The following PCDHGB1 variants were observed in gnomAD, a reference collection of about 807,000 sequenced individuals.
The protein encoded by PCDHGB1 is protocadherin gamma-B1.
PCDHGB1 carries 34 observed loss-of-function variants against 56.6 expected under a neutral mutation model. That is an observed-to-expected ratio of 0.60 (90% CI 0.46 to 0.80). The LOEUF is 0.80. PCDHGB1 is among the 30% of genes least tolerant of loss of function. PCDHGB1 has a pLI of 0.00. For synonymous variants in PCDHGB1, 561 were observed against 505.9 expected, an observed-to-expected ratio of 1.11 and a Z score of -1.46; for missense variants, 1,278 against 1,204.6, an observed-to-expected ratio of 1.06 and a Z score of -0.90.
intron 1 of PCDHGB1, among the ~76,000 whole-genome samples, chr5:141,456,887 C>T (rs112521083): frequency 0.042 from 6,384 of 152,090 alleles, 167 homozygotes; most frequent in Middle Eastern, 0.088. Flanking sequence ...CGCTTGAACC[C>T]GGGAGGCAGA....
At position 141,359,202 on chromosome 5, in the gene PCDHGB1, T is replaced by A. The variant is rs115467151; in HGVS notation, c.2409+6533T>A. Among the ~76,000 whole-genome samples the A allele has an allele frequency of 3.8e-3, 584 of 152,256 alleles. 6 individuals carry two copies. Among genetic ancestry groups the A allele is most frequent in the African/African-American group, 0.013 (556 of 41,546 alleles). ...AGAAAGCAGAAATAACAAGTGAATG[T>A]TGAGAGACAACTTACATCTGAGGAG... On this transcript the variant is annotated intron_variant, in intron 1 of 3. Transcript: ENST00000523390.
At chr5:141,404,492 C>T (rs770295078) in intron 1 of PCDHGB1, 1 of 1,613,668 alleles carries the variant, frequency 6.2e-7, no homozygotes, top group African/African-American at 1.3e-5. Context: ...CACTGGTGTG[C>T]TGTATGCTCT....
chr5:141,428,001 T>C (rs149531447), intron 1 of PCDHGB1: 1 of 1,601,704 alleles, frequency 6.2e-7, no homozygotes, highest in Admixed American at 1.7e-5. Flanking sequence ...CTCCGCACTC[T>C]TCGATATAGT....
chr5:141,401,189 A>G (rs2094126174), intron 1 of PCDHGB1, among the ~76,000 whole-genome samples: 1 of 152,144 alleles, frequency 6.6e-6, no homozygotes, highest in South Asian at 2.1e-4. Context: ...TAAAAATACA[A>G]AAATTAGCTG....
rs34752215 is a variant in PCDHGB1 at position 141,427,657 on chromosome 5, A to C, written c.2410-67150A>C. The C allele has an allele frequency of 1.4e-3, 1,030 of 734,210 alleles. 5 individuals carry two copies. Among genetic ancestry groups the C allele is most frequent in the Middle Eastern group, 5.7e-3 (25 of 4,398 alleles). The allele number at this position is 734,210 out of a possible 1,614,324, so 45.5% of individuals were successfully genotyped here. On this transcript the variant is annotated intron_variant, in intron 1 of 3. Coordinates refer to ENST00000523390, the MANE Select transcript of PCDHGB1 (RefSeq NM_018922.3). The stretch of plus-strand genomic sequence containing the variant: ...TTCCACCAAGTCTCCTACGTGGTCC[A>C]CGTGGCCGAAAACAACCTTCCCGGA...
chr5:141,502,475 A>G (rs1246548191), intron 2 of PCDHGB1, among the ~76,000 whole-genome samples: 1 of 150,884 alleles, frequency 6.6e-6, no homozygotes, highest in Non-Finnish European at 1.5e-5. Context: ...TTCCCGCAGC[A>G]TCACACTGGG....
chr5:141,431,016 C>A lies in PCDHGB1; in HGVS notation c.2410-63791C>A, dbSNP rs755015257. 4 of 1,613,456 alleles carry A rather than the reference C, an allele frequency of 2.5e-6. No individual in the cohort carries two copies. Among genetic ancestry groups the A allele is most frequent in the East Asian group, 2.2e-5 (1 of 44,860 alleles). ...AATCCGCGCAGCGGCAGCTTGGTCA[C>A]GGCGGGCAGGATAGACCGGGAGGAG... is the stretch of plus-strand genomic sequence containing the variant. On this transcript the variant is annotated intron_variant, in intron 1 of 3. Coordinates refer to ENST00000523390, the MANE Select transcript of PCDHGB1 (RefSeq NM_018922.3). The surrounding 1 kb of genome is among the most constrained non-coding windows in gnomAD (Gnocchi z 4.8).
intron 1 of PCDHGB1, among the ~76,000 whole-genome samples, chr5:141,387,169 T>C (rs1428422324): frequency 4.6e-5 from 7 of 152,140 alleles, no homozygotes; most frequent in East Asian, 1.9e-4. Flanking sequence ...TAAGTATAAA[T>C]TGCACCTTCT....
intron 1 of PCDHGB1, among the ~76,000 whole-genome samples, chr5:141,452,868 C>T (rs1339532803): frequency 6.6e-6 from 1 of 152,170 alleles, no homozygotes; most frequent in Non-Finnish European, 1.5e-5. Flanking sequence ...TTTTCTAACT[C>T]CATTTGTAAT....
intron 1 of PCDHGB1, chr5:141,387,968 G>A (rs1169859236): frequency 7.4e-6 from 11 of 1,489,402 alleles, no homozygotes; most frequent in Non-Finnish European, 9.9e-6. Flanking sequence ...TCTGCCCGGC[G>A]CTCTGTGAGC....
rs2096665320 is a variant in PCDHGB1 at position 141,422,696 on chromosome 5, A to G, written c.2409+70027A>G. The G allele has an allele frequency of 3.1e-6, 5 of 1,602,638 alleles. No homozygotes were observed. The highest frequency in any genetic ancestry group is 4.3e-6 in the Non-Finnish European group (5 of 1,174,110). On this transcript the variant is annotated intron_variant, in intron 1 of 3. Coordinates refer to ENST00000523390, the MANE Select transcript of PCDHGB1 (RefSeq NM_018922.3). Reference sequence around the variant, plus strand: ...AGCAAACAGAATGCCCTGGTCACTTACTCTCTGACGGATGACACTGTCCAG... The same window carrying G: ...AGCAAACAGAATGCCCTGGTCACTTGCTCTCTGACGGATGACACTGTCCAG...
At chr5:141,395,067 A>G (rs1200049263) in intron 1 of PCDHGB1, 4 of 1,613,888 alleles carry the variant, frequency 2.5e-6, no homozygotes, top group South Asian at 1.1e-5. Context: ...TTTCCTGCAG[A>G]CCTATTCCCA....
intron 1 of PCDHGB1, chr5:141,400,720 T>G (rs2150871186): frequency 1.5e-6 from 1 of 669,356 alleles, no homozygotes; most frequent in Non-Finnish European, 2.5e-6. Context: ...CCTTATAGAT[T>G]TACAAAGTAG....
At chr5:141,419,432 C>A (rs2096381830) in intron 1 of PCDHGB1, 1 of 1,613,160 alleles carries the variant, frequency 6.2e-7, no homozygotes, top group Non-Finnish European at 8.5e-7. Flanking sequence ...CCACGAGCAG[C>A]TGCGCACCTT....
At chr5:141,378,315 G>A (rs933879461) in intron 1 of PCDHGB1, 5 of 152,248 alleles carry the variant, frequency 3.3e-5, no homozygotes, top group African/African-American at 1.2e-4. Context: ...ACGAAGTCAG[G>A]AGTTCGAGAC....
chr5:141,390,152 TAC>T, intron 1 of PCDHGB1: 2 of 1,614,054 alleles, frequency 1.2e-6, no homozygotes, highest in Non-Finnish European at 1.7e-6. Flanking sequence ...GTGTTGCACA[TAC>T]AGGAAAGACG....
chr5:141,401,000 C>T (rs113065470), intron 1 of PCDHGB1, among the ~76,000 whole-genome samples: 2 of 152,218 alleles, frequency 1.3e-5, no homozygotes, highest in Non-Finnish European at 2.9e-5. Flanking sequence ...CTTTCTTATT[C>T]CTACCTAATG....
intron 1 of PCDHGB1, chr5:141,365,056 C>T: frequency 6.2e-7 from 1 of 1,613,906 alleles, no homozygotes; most frequent in Non-Finnish European, 8.5e-7. Flanking sequence ...CGCCCCTGTT[C>T]ACCCCATCCG....
intron 1 of PCDHGB1, chr5:141,355,041 G>A: frequency 9.1e-7 from 1 of 1,094,768 alleles, no homozygotes; most frequent in Admixed American, 3.2e-5. Context: ...GATTTCTGCA[G>A]CACAAAGCAC....
Sources: gnomAD v4.1 joint callset for allele counts (sites outside exome capture counted in the v4.1 genomes callset) on GRCh38, gnomAD v4.1.1 for gene constraint, Gnocchi (gnomAD v3.1) non-coding constraint, MANE v1.5 for transcripts, NCBI Gene and HGNC (gene_info 2026-07-23, HGNC 2026-07-21) for gene names.